BCR: variants seen among roughly 807,000 people sequenced by gnomAD.
BCR encodes the protein breakpoint cluster region protein.
A neutral mutation model predicts 138.6 loss-of-function variants in BCR; 58 were observed. The observed-to-expected ratio is 0.42, with a 90% CI of 0.34 to 0.52. BCR has a LOEUF of 0.52. Ranked by LOEUF, BCR falls within the 20% of genes least tolerant of loss-of-function variation. The pLI, the probability that BCR is intolerant of heterozygous loss-of-function variation, is 0.06. For synonymous variants in BCR, 786 were observed against 730.1 expected, an observed-to-expected ratio of 1.08 and a Z score of -1.23; for missense variants, 1,599 against 1,727.2, an observed-to-expected ratio of 0.93 and a Z score of 1.32.
chr22:23,220,554 C>T (rs1354937601), intron 1 of BCR, among the ~76,000 whole-genome samples: 4 of 152,198 alleles, frequency 2.6e-5, no homozygotes, highest in Non-Finnish European at 5.9e-5. Context: ...GGAAGCAGGG[C>T]TTCTGAGGCC....
At chr22:23,284,833 A>G (rs2073692222) in intron 9 of BCR, among the ~76,000 whole-genome samples, 200 bp from the exon 10 acceptor site, 1 of 152,192 alleles carries the variant, frequency 6.6e-6, no homozygotes, top group Admixed American at 6.5e-5. Context: ...CTGCGGTCAC[A>G]TGTTCAGAGT....
intron 1 of BCR, among the ~76,000 whole-genome samples, chr22:23,223,955 GC>G (rs1396210762): frequency 3.3e-5 from 5 of 152,152 alleles, no homozygotes; most frequent in African/African-American, 1.2e-4. Flanking sequence ...AGGCCCTGAT[GC>G]CCAGGACCCC....
At chr22:23,246,977 G>A (rs572981093) in intron 1 of BCR, among the ~76,000 whole-genome samples, 12 of 152,236 alleles carry the variant, frequency 7.9e-5, no homozygotes, top group African/African-American at 2.6e-4. Context: ...ATGGATGAGC[G>A]TGGGGTGCAG....
intron 1 of BCR, among the ~76,000 whole-genome samples, chr22:23,233,459 G>T (rs1175619796): frequency 6.6e-6 from 1 of 152,164 alleles, no homozygotes; most frequent in East Asian, 1.9e-4. Context: ...CTCTGTATAT[G>T]CACGTGGTGC....
chr22:23,191,168 C>T lies in BCR; in HGVS notation c.1279+8929C>T, dbSNP rs9624045. ...CTGGTCTCAAACTCCTGGCCTCAAA[C>T]GATCCTTCCCGCCTCGGCCTCCCGA... On this transcript the variant is annotated intron_variant, in intron 1 of 22. Transcript: ENST00000305877. Among the ~76,000 whole-genome samples the T allele has an allele frequency of 2.0e-3, 299 of 152,246 alleles. 2 individuals carry two copies. Among genetic ancestry groups the T allele is most frequent in the African/African-American group, 6.8e-3 (284 of 41,544 alleles).
chr22:23,281,757 C>T (rs2073648301), intron 8 of BCR, among the ~76,000 whole-genome samples: 1 of 152,222 alleles, frequency 6.6e-6, no homozygotes, highest in Non-Finnish European at 1.5e-5. Flanking sequence ...GCCTCCCGGG[C>T]CTGCAGCCCG....
intron 10 of BCR, 72 bp downstream of exon 10, chr22:23,285,273 G>T: frequency 1.3e-6 from 2 of 1,496,840 alleles, no homozygotes; most frequent in East Asian, 4.9e-5. Flanking sequence ...ACGGCCAGTG[G>T]GTGCTTTCTC....
rs778673346 is a variant in BCR at position 23,315,419 on chromosome 22, C to T, written c.3727-14C>T. 6.2e-6 allele frequency: 10 copies of T among 1,613,236 alleles called. No homozygotes were observed. Among genetic ancestry groups the T allele is most frequent in the Non-Finnish European group, 7.6e-6 (9 of 1,179,576 alleles). On this transcript the variant is annotated splice_polypyrimidine_tract_variant and intron_variant, in intron 22 of 22. Transcript: ENST00000305877. ...CTCTGAGCCACTCTTCTCTTCCCTA[C>T]TCTGCCCGGGCAGGTCCAGGTGCTG...
At chr22:23,268,380 C>G in intron 4 of BCR, 28 bp from the exon 5 acceptor site, 1 of 1,560,694 alleles carries the variant, frequency 6.4e-7, no homozygotes, top group East Asian at 2.3e-5. Flanking sequence ...AGCACCTGTC[C>G]CACTCTCTCT....
chr22:23,264,314 T>C, intron 4 of BCR: 1 of 977,904 alleles, frequency 1.0e-6, no homozygotes, highest in South Asian at 1.3e-5. Flanking sequence ...ATCTCTATGC[T>C]GCGCTGTCTT....
At chr22:23,208,243 A>G (rs2072641020) in intron 1 of BCR, among the ~76,000 whole-genome samples, 1 of 152,146 alleles carries the variant, frequency 6.6e-6, no homozygotes, top group Non-Finnish European at 1.5e-5. Context: ...CTGGCAGTGC[A>G]GGAGAGCAGC....
At chr22:23,253,625 C>T (rs1188386432) in intron 1 of BCR, among the ~76,000 whole-genome samples, 174 bp from the exon 2 acceptor site, 1 of 152,212 alleles carries the variant, frequency 6.6e-6, no homozygotes, top group East Asian at 1.9e-4. Flanking sequence ...TTCATCCCCC[C>T]TCACCTTGTG....
Position 23,181,168 on chromosome 22 carries a change from T to A in BCR, c.208T>A (p.Tyr70Asn), listed in dbSNP as rs1438537834. The A allele has an allele frequency of 7.1e-7, 1 of 1,411,816 alleles. No individual in the cohort carries two copies. Among genetic ancestry groups the A allele is most frequent in the Admixed American group, 2.4e-5 (1 of 42,014 alleles). The allele number at this position is 1,411,816 out of a possible 1,614,324, so 87.5% of individuals were successfully genotyped here. ...GTTGCTGGCCAAGGAAAAGAAGAGC[T>A]ATGACCGGCAGCGATGGGGCTTCCG... ...QTLLAKEKKS[Y>N]DRQRWGFRRA... Residue 70 changes from tyrosine to asparagine, a missense_variant, in exon 1 of 23, where the codon TAT becomes AAT. Tyr to Asn is a moderately radical substitution (Grantham distance 143, BLOSUM62 -2). Coordinates refer to ENST00000305877, the MANE Select transcript of BCR (RefSeq NM_004327.4).
chr22:23,240,961 C>T (rs1244971922), intron 1 of BCR, among the ~76,000 whole-genome samples: 1 of 152,212 alleles, frequency 6.6e-6, no homozygotes, highest in Admixed American at 6.5e-5. Context: ...GCTGATTTCA[C>T]TTAGCATAAT....
chr22:23,245,220 G>A (rs1423049978), intron 1 of BCR, among the ~76,000 whole-genome samples: 1 of 152,168 alleles, frequency 6.6e-6, no homozygotes, highest in Non-Finnish European at 1.5e-5. Context: ...CATCTGCGGT[G>A]TCTAGGGTTG....
intron 1 of BCR, among the ~76,000 whole-genome samples, chr22:23,199,743 C>T (rs1326212421): frequency 6.6e-6 from 1 of 152,120 alleles, no homozygotes; most frequent in Admixed American, 6.5e-5. Flanking sequence ...GCTTTCAAGT[C>T]TGTGAATTAA....
In BCR at chr22:23,284,117, C is replaced by T; in HGVS notation, c.2237+19C>T. On this transcript the variant is annotated intron_variant, in intron 9 of 22. Transcript: ENST00000305877. ...GCGGAGGGTGAGTGACGATGTGGCC[C>T]CTGTCCCAGCAGTGACCCCACCCTG... The T allele has an allele frequency of 1.9e-6, 3 of 1,611,518 alleles. No individual in the cohort carries two copies. The highest frequency in any genetic ancestry group is 2.7e-5 in the African/African-American group (2 of 74,930).
chr22:23,183,704 T>C (rs1601986341), intron 1 of BCR, among the ~76,000 whole-genome samples: 1 of 152,306 alleles, frequency 6.6e-6, no homozygotes, highest in South Asian at 2.1e-4. Context: ...CTCAGTGCCA[T>C]GGTGCAGGAG....
intron 1 of BCR, among the ~76,000 whole-genome samples, chr22:23,202,635 T>C (rs543058202): frequency 5.4e-4 from 82 of 152,304 alleles, no homozygotes; most frequent in African/African-American, 1.9e-3. Flanking sequence ...TTGTGACTTA[T>C]TTCACATCAT....
Sources: allele counts gnomAD v4.1 joint callset (sites outside exome capture counted in the v4.1 genomes callset), GRCh38; gene constraint gnomAD v4.1.1; transcripts MANE v1.5; gene names NCBI Gene and HGNC (gene_info 2026-07-23, HGNC 2026-07-21).